Variants in SUCNR1 observed in about 807,000 individuals in gnomAD.
SUCNR1 encodes succinate receptor 1.
In SUCNR1, 5 loss-of-function variants were observed where a neutral mutation model predicts 2.4. That is an observed-to-expected ratio of 2.07 (90% CI 1.08 to 4.36). The LOEUF (loss-of-function observed/expected upper bound fraction) is 4.36, where lower values mean the gene tolerates loss of function less well. SUCNR1 is among the 30% of genes most tolerant of loss of function. The probability of loss-of-function intolerance (pLI) is 0.00; values close to 1 mark genes in which losing one functional copy is unlikely to be tolerated. For synonymous variants in SUCNR1, 162 were observed against 143.9 expected (o/e 1.13, Z -0.90); for missense variants, 373 against 399.2 (o/e 0.93, Z 0.56).
Position 151,881,202 on chromosome 3 carries a change from A to G in SUCNR1, c.659A>G (p.Gln220Arg). The G allele has an allele frequency of 6.2e-7, 1 of 1,614,184 alleles. No homozygotes were observed. Among genetic ancestry groups the G allele is most frequent in the Non-Finnish European group, 8.5e-7 (1 of 1,180,034 alleles). Residue 220 changes from glutamine (Q) to arginine (R), a missense_variant, in exon 3 of 3, where the codon CAG (glutamine) becomes CGG (arginine). By Grantham distance (43) the Gln-to-Arg change is conservative. Around this residue, in one of 3 missense-constraint regions of SUCNR1, gnomAD observed 157 missense variants for 178.7 expected, o/e 0.88. Transcript: ENST00000362032. Reference protein sequence around the residue: ...IALFLKQRNRQVATALPLEKP... With the variant: ...IALFLKQRNRRVATALPLEKP... ...CTCTTCCTAAAGCAGAGGAATAGGCAGGTTGCTACTGCTCTGCCCCTTGAA... is the reference window on the plus strand; with the variant it reads ...CTCTTCCTAAAGCAGAGGAATAGGCGGGTTGCTACTGCTCTGCCCCTTGAA...
intron 1 of SUCNR1, among the ~76,000 whole-genome samples, chr3:151,879,072 T>C (rs1242572725): frequency 2.0e-5 from 3 of 152,232 alleles, no homozygotes; most frequent in Non-Finnish European, 4.4e-5. Flanking sequence ...CATTTTGTTT[T>C]CAACCTTGGT....
intron 1 of SUCNR1, 31 bp from the exon 2 acceptor site, chr3:151,879,821 A>G: frequency 9.2e-7 from 1 of 1,086,042 alleles, no homozygotes; most frequent in Non-Finnish European, 1.3e-6. Context: ...AGTGAGACTG[A>G]AGTTCTAAAA....
At position 151,883,954 on chromosome 3, in the gene SUCNR1, T is replaced by C. The variant is rs1203996479; in HGVS notation, c.*2406T>C. 2.0e-5 allele frequency: 3 copies of C among 152,252 alleles called. No homozygotes were observed. Among genetic ancestry groups the C allele is most frequent in the Non-Finnish European group, 4.4e-5 (3 of 68,042 alleles). The allele number at this position is 152,252 out of a possible 1,614,324, so 9.4% of individuals were successfully genotyped here. A position where few individuals can be genotyped will look rare whatever the true frequency, so the allele number is the denominator to read the frequency against. Reference sequence around the variant, plus strand: ...GTTCTATCATACCTGAATGGTATAATAATTCTAAACAACTTTCAAGGTTCA... The same window carrying C: ...GTTCTATCATACCTGAATGGTATAACAATTCTAAACAACTTTCAAGGTTCA... On this transcript the variant is annotated 3_prime_UTR_variant, in exon 3 of 3. Coordinates refer to ENST00000362032, the MANE Select transcript of SUCNR1 (RefSeq NM_033050.6).
At position 151,883,405 on chromosome 3, in the gene SUCNR1, G is replaced by A. The variant is rs1393810354; in HGVS notation, c.*1857G>A. ...TTCCCCTACATCCCAACTCCAAGAAGTCACAGGAATAGACTCTTTCTAATA... is the reference window on the plus strand; with the variant it reads ...TTCCCCTACATCCCAACTCCAAGAAATCACAGGAATAGACTCTTTCTAATA... On this transcript the variant is annotated 3_prime_UTR_variant, in exon 3 of 3. Coordinates refer to ENST00000362032, the MANE Select transcript of SUCNR1 (RefSeq NM_033050.6). 1 of 142,576 alleles carries A rather than the reference G, an allele frequency of 7.0e-6. No individual in the cohort carries two copies. Among genetic ancestry groups the A allele is most frequent in the Admixed American group, 7.3e-5 (1 of 13,752 alleles). 8.8% of individuals were successfully genotyped at this position (142,576 alleles called of 1,614,324 possible).
At chr3:151,880,095 T>C (rs927642157) in intron 2 of SUCNR1, among the ~76,000 whole-genome samples, 188 bp downstream of exon 2, 1 of 152,216 alleles carries the variant, frequency 6.6e-6, no homozygotes, top group African/African-American at 2.4e-5. Flanking sequence ...ACTTTCTTCA[T>C]TGAGGTTTTT....
chr3:151,881,648 T>G lies in SUCNR1; in HGVS notation c.*100T>G. Reference sequence around the variant, plus strand: ...ATCAGAGAGTGTCACAGATTTAACCTTGATCTAAAGACAAGTTGTACCCAG... The same window carrying G: ...ATCAGAGAGTGTCACAGATTTAACCGTGATCTAAAGACAAGTTGTACCCAG... On this transcript the variant is annotated 3_prime_UTR_variant, in exon 3 of 3. Coordinates refer to ENST00000362032, the MANE Select transcript of SUCNR1 (RefSeq NM_033050.6). 3 of 1,122,656 alleles carry G rather than the reference T, an allele frequency of 2.7e-6. No individual in the cohort carries two copies. The highest frequency in any genetic ancestry group is 3.8e-6 in the Non-Finnish European group (3 of 793,710). 69.5% of individuals were successfully genotyped at this position (1,122,656 alleles called of 1,614,324 possible). A position where few individuals can be genotyped will look rare whatever the true frequency, so the allele number is the denominator to read the frequency against.
Position 151,882,277 on chromosome 3 carries a change from A to T in SUCNR1, c.*729A>T, listed in dbSNP as rs1212538386. 2 of 152,158 alleles carry T rather than the reference A, an allele frequency of 1.3e-5. No individual in the cohort carries two copies. Among genetic ancestry groups the T allele is most frequent in the Non-Finnish European group, 1.5e-5 (1 of 67,980 alleles). 9.4% of individuals were successfully genotyped at this position (152,158 alleles called of 1,614,324 possible). On this transcript the variant is annotated 3_prime_UTR_variant, in exon 3 of 3. Transcript: ENST00000362032. ...ATATTTGAATAAAAAAAAAATTTGT[A>T]GAACACAAAATGCCTATCAGGAAAC...
Position 151,880,871 on chromosome 3 carries a change from ATTCTCT to A in SUCNR1, c.334_339del (p.Phe112_Leu113del), listed in dbSNP as rs781213593. 5 of 1,614,104 alleles carry A rather than the reference ATTCTCT, an allele frequency of 3.1e-6. No homozygotes were observed. In the South Asian group the frequency reaches 5.5e-5, roughly 18 times the overall value. On this transcript the variant is annotated inframe_deletion, in exon 3 of 3. Transcript: ENST00000362032. ...GCTTCATGCCAACCTCTATACCAGC[ATTCTCT>A]TTCTCACTTTTATCAGCATAGATCG...
rs1020066271 is a variant in SUCNR1, at chr3:151,883,504, A to T, written c.*1956A>T. The T allele has an allele frequency of 9.0e-6, 1 of 111,292 alleles. No homozygotes were observed. Among genetic ancestry groups the T allele is most frequent in the Admixed American group, 8.5e-5 (1 of 11,738 alleles). 6.9% of individuals were successfully genotyped at this position (111,292 alleles called of 1,614,324 possible). On this transcript the variant is annotated 3_prime_UTR_variant, in exon 3 of 3. Coordinates refer to ENST00000362032, the MANE Select transcript of SUCNR1 (RefSeq NM_033050.6). The stretch of plus-strand genomic sequence containing the variant: ...TATATATATATATATATATATATAT[A>T]TGTACCTTGTAAACAAGAGGTTAAG...
intron 1 of SUCNR1, among the ~76,000 whole-genome samples, chr3:151,876,996 T>C (rs768541643): frequency 6.6e-6 from 1 of 152,114 alleles, no homozygotes; most frequent in Non-Finnish European, 1.5e-5. Flanking sequence ...AAAGCATAAA[T>C]GGGAGGACCT....
Position 151,880,597 on chromosome 3 carries a change from G to A in SUCNR1, c.54G>A (p.Glu18=). 6.2e-7 allele frequency: 1 copy of A among 1,611,518 alleles called. No individual in the cohort carries two copies. The highest frequency in any genetic ancestry group is 1.1e-5 in the South Asian group (1 of 90,696). The change falls in exon 3 of 3, where the codon GAG becomes GAA. Residue 18 remains glutamate, a synonymous_variant. Transcript: ENST00000362032. The stretch of plus-strand genomic sequence containing the variant: ...CTTGCAAAAACTGGCTGGCAGCAGA[G>A]GCTGCCCTGGAAAAGTACTACCTTT... ...NATCKNWLAA[E]AALEKYYLSI... is the part of the protein sequence containing the mutation.
rs1718150964 is a variant in SUCNR1, at chr3:151,883,170, T to C, written c.*1622T>C. The C allele has an allele frequency of 6.6e-6, 1 of 152,000 alleles. No individual in the cohort carries two copies. The highest frequency in any genetic ancestry group is 2.4e-5 in the African/African-American group (1 of 41,414). 9.4% of individuals were successfully genotyped at this position (152,000 alleles called of 1,614,324 possible). A position where few individuals can be genotyped will look rare whatever the true frequency, so the allele number is the denominator to read the frequency against. ...ATTTTCTGCCATGCCTTGCCTTTAG[T>C]ATCAATATTTTAAAAATTTCACTGT... is the stretch of plus-strand genomic sequence containing the variant. On this transcript the variant is annotated 3_prime_UTR_variant, in exon 3 of 3. Coordinates refer to ENST00000362032, the MANE Select transcript of SUCNR1 (RefSeq NM_033050.6).
At chr3:151,879,228 T>C (rs1216782116) in intron 1 of SUCNR1, among the ~76,000 whole-genome samples, 1 of 152,182 alleles carries the variant, frequency 6.6e-6, no homozygotes, top group Non-Finnish European at 1.5e-5. Flanking sequence ...GCAAGACTCT[T>C]GAGGTTTGAG....
intron 1 of SUCNR1, among the ~76,000 whole-genome samples, chr3:151,874,512 G>T (rs752862138): frequency 1.3e-5 from 2 of 151,880 alleles, no homozygotes; most frequent in Non-Finnish European, 1.5e-5. Context: ...AATGTATTTG[G>T]GGGAATTTTC....
chr3:151,877,538 C>T (rs1717961136), intron 1 of SUCNR1, among the ~76,000 whole-genome samples: 1 of 152,022 alleles, frequency 6.6e-6, no homozygotes, highest in Non-Finnish European at 1.5e-5. Context: ...TTGAGAAATA[C>T]CCAGACATTA....
chr3:151,879,511 C>T (rs1000034320), intron 1 of SUCNR1, among the ~76,000 whole-genome samples: 9 of 152,128 alleles, frequency 5.9e-5, no homozygotes, highest in African/African-American at 1.7e-4. Context: ...ACACAGCAGC[C>T]ACCATCTTTG....
At position 151,880,844 on chromosome 3, in the gene SUCNR1, GTGCTTCAT is replaced by G. The variant is rs754906560; in HGVS notation, c.302_309del (p.Val101GlyfsTer22). On this transcript the variant is annotated frameshift_variant, in exon 3 of 3. Coordinates refer to ENST00000362032, the MANE Select transcript of SUCNR1 (RefSeq NM_033050.6). LOFTEE classifies it low-confidence loss of function (END_TRUNC). ...CGTGCTCTGCATAAGCAACCGATATGTGCTTCATGCCAACCTCTATACCAGCATTCTCT... is the reference window on the plus strand; with the variant it reads ...CGTGCTCTGCATAAGCAACCGATATGGCCAACCTCTATACCAGCATTCTCT... 1 of 1,614,102 alleles carries G rather than the reference GTGCTTCAT, an allele frequency of 6.2e-7. No individual in the cohort carries two copies. Among genetic ancestry groups the G allele is most frequent in the East Asian group, 2.2e-5 (1 of 44,878 alleles).
In SUCNR1 at chr3:151,883,056, A is replaced by G. The variant is rs776523639; in HGVS notation, c.*1508A>G. 7.2e-5 allele frequency: 11 copies of G among 152,184 alleles called. No individual in the cohort carries two copies. The highest frequency in any genetic ancestry group is 2.6e-4 in the African/African-American group (11 of 41,554). 9.4% of individuals were successfully genotyped at this position (152,184 alleles called of 1,614,324 possible). Reference sequence around the variant, plus strand: ...TTAAATCCCCCAATTTTCCCAGTTGATATCTCTAGACTTCAAGCAACTGAA... The same window carrying G: ...TTAAATCCCCCAATTTTCCCAGTTGGTATCTCTAGACTTCAAGCAACTGAA... On this transcript the variant is annotated 3_prime_UTR_variant, in exon 3 of 3. Transcript: ENST00000362032.
rs779002461 is a variant in SUCNR1, at chr3:151,884,510, T to G, written c.*2962T>G. 3.3e-5 allele frequency: 5 copies of G among 152,226 alleles called. No individual in the cohort carries two copies. The highest frequency in any genetic ancestry group is 7.3e-5 in the Non-Finnish European group (5 of 68,032). The allele number at this position is 152,226 out of a possible 1,614,324, so 9.4% of individuals were successfully genotyped here. A position where few individuals can be genotyped will look rare whatever the true frequency, so the allele number is the denominator to read the frequency against. On this transcript the variant is annotated 3_prime_UTR_variant, in exon 3 of 3. Transcript: ENST00000362032. ...ATTTTATTCTAGATGATGAATAATGTGTGGCAGAGATTCTGGATTCTGTTA... is the reference window on the plus strand; with the variant it reads ...ATTTTATTCTAGATGATGAATAATGGGTGGCAGAGATTCTGGATTCTGTTA...
Sources: gnomAD v4.1 joint callset for allele counts (sites outside exome capture counted in the v4.1 genomes callset) on GRCh38, gnomAD v4.1.1 for gene constraint, gnomAD v4.1.1 regional missense constraint, MANE v1.5 for transcripts, NCBI Gene and HGNC (gene_info 2026-07-23, HGNC 2026-07-21) for gene names.